The following ADGRA3 variants were observed in gnomAD, a reference collection of about 807,000 sequenced individuals.
ADGRA3 encodes the protein G-protein coupled receptor 125.
ADGRA3 carries 56 observed loss-of-function variants against 119.8 expected under a neutral mutation model. That is an observed-to-expected ratio of 0.47 (90% confidence interval 0.38 to 0.58). The LOEUF (loss-of-function observed/expected upper bound fraction) is 0.58, where lower values mean the gene tolerates loss of function less well. ADGRA3 is among the 20% of genes least tolerant of loss of function. ADGRA3 has a pLI of 0.00. For missense variants in ADGRA3, 1,516 were observed against 1,649.0 expected (o/e 0.92, Z 1.40); for synonymous variants, 607 against 623.8 (o/e 0.97, Z 0.40).
chr4:22,472,233 C>T (rs1465319277), intron 2 of ADGRA3, among the ~76,000 whole-genome samples: 2 of 152,170 alleles, frequency 1.3e-5, no homozygotes, highest in African/African-American at 4.8e-5. Flanking sequence ...AGTAACTTTT[C>T]TTTGCAGGGA....
At chr4:22,419,453 T>C (rs147921131) in intron 12 of ADGRA3, among the ~76,000 whole-genome samples, 1 of 152,146 alleles carries the variant, frequency 6.6e-6, no homozygotes, top group Admixed American at 6.5e-5. Flanking sequence ...TGAATAATAG[T>C]GTAATGTGTC....
chr4:22,447,594 C>CA, intron 4 of ADGRA3, 83 bp from the exon 5 acceptor site: 2 of 800,164 alleles, frequency 2.5e-6, no homozygotes, highest in Non-Finnish European at 4.0e-6. Context: ...AAGCATCCTA[C>CA]AGTCATTAAA....
chr4:22,491,418 G>T (rs1328363482), intron 1 of ADGRA3, among the ~76,000 whole-genome samples: 1 of 152,086 alleles, frequency 6.6e-6, no homozygotes, highest in Admixed American at 6.6e-5. Context: ...TCTAATACTT[G>T]GCAAAGATAC....
chr4:22,459,682 A>G (rs1717373173), intron 3 of ADGRA3, among the ~76,000 whole-genome samples: 2 of 151,770 alleles, frequency 1.3e-5, no homozygotes, highest in South Asian at 4.1e-4. Flanking sequence ...AAAAAAGAAA[A>G]CTTAAAGAAG....
intron 17 of ADGRA3, among the ~76,000 whole-genome samples, chr4:22,390,433 T>TCCCC: frequency 4.3e-5 from 1 of 23,034 alleles, no homozygotes; most frequent in Non-Finnish European, 7.5e-5. Flanking sequence ...TAATACGTAT[T>TCCCC]ATATATATAT....
intron 1 of ADGRA3, among the ~76,000 whole-genome samples, chr4:22,501,687 C>T (rs1719052396): frequency 6.6e-6 from 1 of 151,452 alleles, no homozygotes; most frequent in South Asian, 2.1e-4. Context: ...AAGGTCTAAA[C>T]AATTTCCCCT....
At chr4:22,448,729 C>T (rs903369875) in intron 4 of ADGRA3, among the ~76,000 whole-genome samples, 8 of 152,154 alleles carry the variant, frequency 5.3e-5, no homozygotes, top group Non-Finnish European at 1.0e-4. Context: ...CAATGACCTT[C>T]AGCAAGAACA....
In ADGRA3 at chr4:22,430,584, G is replaced by A. The variant is rs184030838; in HGVS notation, c.1443+4727C>T. ...GCATTCAAGAGGTGACTTGAGTGCC[G>A]TAAAGGGCATTCCATTTTATAAGAA... On this transcript the variant is annotated intron_variant, in intron 10 of 18. Transcript: ENST00000334304. Among the ~76,000 whole-genome samples the A allele has an allele frequency of 1.2e-3, 188 of 152,140 alleles. 1 individual carries two copies. In the East Asian group the frequency reaches 0.03, roughly 24 times the overall value.
At chr4:22,425,639 C>T (rs1486384213) in intron 10 of ADGRA3, among the ~76,000 whole-genome samples, 1 of 152,118 alleles carries the variant, frequency 6.6e-6, no homozygotes, top group African/African-American at 2.4e-5. Context: ...GGCGTTAAGT[C>T]CCAGTGCAAA....
At chr4:22,445,238 C>T (rs1716788446) in intron 5 of ADGRA3, 105 bp from the exon 6 acceptor site, 1 of 907,690 alleles carries the variant, frequency 1.1e-6, no homozygotes, top group Admixed American at 2.0e-5. Flanking sequence ...TACTGTTCAC[C>T]CATACCATGC....
chr4:22,492,176 G>A (rs777748775), intron 1 of ADGRA3, among the ~76,000 whole-genome samples: 30 of 152,066 alleles, frequency 2.0e-4, no homozygotes, highest in Non-Finnish European at 1.5e-4. Flanking sequence ...ATGCGGAGGC[G>A]AAAAAGCACA....
intron 2 of ADGRA3, among the ~76,000 whole-genome samples, chr4:22,468,825 G>A (rs1717755979): frequency 1.3e-5 from 2 of 151,198 alleles, no homozygotes; most frequent in South Asian, 4.2e-4. Flanking sequence ...ATAGACTAGT[G>A]AACACATGGA....
intron 14 of ADGRA3, among the ~76,000 whole-genome samples, chr4:22,410,077 CAT>C (rs1191256753): frequency 6.6e-6 from 1 of 151,874 alleles, no homozygotes; most frequent in East Asian, 1.9e-4. Flanking sequence ...TATAAAATGA[CAT>C]ATTAAGATGG....
At position 22,414,731 on chromosome 4, in the gene ADGRA3, T is replaced by A. The variant is rs1276151752; in HGVS notation, c.1810-917A>T. ...GATGAAAATCTATTGCTCAGATGTA[T>A]CCCCTGAATGCTCCTATAGCACAAC... is the stretch of plus-strand genomic sequence containing the variant. On this transcript the variant is annotated intron_variant, in intron 12 of 18. Coordinates refer to ENST00000334304, the MANE Select transcript of ADGRA3 (RefSeq NM_145290.4). The A allele has an allele frequency of 6.8e-6, 4 of 591,794 alleles. No individual in the cohort carries two copies. In the African/African-American group the frequency reaches 7.5e-5, roughly 11 times the overall value. The allele number at this position is 591,794 out of a possible 1,614,324, so 36.7% of individuals were successfully genotyped here. A position where few individuals can be genotyped will look rare whatever the true frequency, so the allele number is the denominator to read the frequency against.
intron 1 of ADGRA3, among the ~76,000 whole-genome samples, chr4:22,495,196 T>C (rs2109156488): frequency 6.6e-6 from 1 of 152,122 alleles, no homozygotes; most frequent in Admixed American, 6.5e-5. Flanking sequence ...CATGGATACC[T>C]TGGACAAAGG....
chr4:22,420,098 T>C (rs1560307274), intron 12 of ADGRA3: 1 of 152,514 alleles, frequency 6.6e-6, no homozygotes, highest in Non-Finnish European at 1.5e-5. Flanking sequence ...CTAACACCTG[T>C]TGGATCAGTT....
At chr4:22,390,955 A>G (rs1714109572) in intron 17 of ADGRA3, among the ~76,000 whole-genome samples, 1 of 152,020 alleles carries the variant, frequency 6.6e-6, no homozygotes. Context: ...ATCCTACAAC[A>G]TAACTCTGGG....
chr4:22,422,050 TACAG>T (rs1339888907), intron 11 of ADGRA3, among the ~76,000 whole-genome samples: 15 of 151,802 alleles, frequency 9.9e-5, no homozygotes, highest in African/African-American at 3.2e-4. Flanking sequence ...AACCTGTCAA[TACAG>T]ACAGCCACCA....
At chr4:22,415,305 G>C (rs74414329) in intron 12 of ADGRA3, among the ~76,000 whole-genome samples, 14,610 of 152,086 alleles carry the variant, frequency 0.096, 786 homozygotes, top group South Asian at 0.11. Flanking sequence ...AATGATGTTA[G>C]ATCACAGCAG....
Sources: allele counts gnomAD v4.1 joint callset (sites outside exome capture counted in the v4.1 genomes callset), GRCh38; gene constraint gnomAD v4.1.1; transcripts MANE v1.5; gene names NCBI Gene and HGNC (gene_info 2026-07-23, HGNC 2026-07-21).